COG5: variants seen among roughly 807,000 people sequenced by gnomAD.
The protein encoded by COG5 is component of oligomeric golgi complex 5.
In COG5, 86 loss-of-function variants were observed where a neutral mutation model predicts 110.4. That is an observed-to-expected ratio of 0.78 (90% CI 0.65 to 0.93). The LOEUF is 0.93. Ranked by LOEUF, COG5 falls within the 40% of genes least tolerant of loss-of-function variation. The probability of loss-of-function intolerance (pLI) is 0.00; values close to 1 mark genes in which losing one functional copy is unlikely to be tolerated. For synonymous variants in COG5, 360 were observed against 334.6 expected (o/e 1.08, Z -0.83); for missense variants, 1,077 against 987.0 (o/e 1.09, Z -1.22).
chr7:107,394,121 C>T (rs1263290771), intron 7 of COG5, among the ~76,000 whole-genome samples: 1 of 151,944 alleles, frequency 6.6e-6, no homozygotes, highest in Non-Finnish European at 1.5e-5. Context: ...GCCACCACGC[C>T]CAGCTAATTT....
chr7:107,528,024 C>T (rs1480804064), intron 5 of COG5, among the ~76,000 whole-genome samples: 1 of 152,142 alleles, frequency 6.6e-6, no homozygotes, highest in Non-Finnish European at 1.5e-5. Flanking sequence ...TATTTTCAGT[C>T]CCAGCTTCTC....
chr7:107,367,247 GACTCAGAAAGCACAGT>G (rs1234539134), intron 8 of COG5, among the ~76,000 whole-genome samples: 2 of 151,884 alleles, frequency 1.3e-5, no homozygotes, highest in African/African-American at 4.8e-5. Flanking sequence ...ACTACACAAG[GACTCAGAAAGCACAGT>G]ACCCATAAAA....
chr7:107,419,075 A>G (rs927596331), intron 6 of COG5, among the ~76,000 whole-genome samples: 1 of 152,212 alleles, frequency 6.6e-6, no homozygotes, highest in African/African-American at 2.4e-5. Context: ...ATGATGAAAC[A>G]TGTCTTTGAA....
chr7:107,289,730 C>A (rs897019387), intron 12 of COG5, among the ~76,000 whole-genome samples: 4 of 151,958 alleles, frequency 2.6e-5, no homozygotes, highest in African/African-American at 9.7e-5. Context: ...AAAGTTATTC[C>A]TAAATATTTT....
intron 11 of COG5, among the ~76,000 whole-genome samples, chr7:107,305,892 G>A (rs753726423): frequency 2.0e-5 from 3 of 151,912 alleles, no homozygotes; most frequent in South Asian, 2.1e-4. Flanking sequence ...ATCACAGGAG[G>A]GATACGCACT....
chr7:107,219,640 A>G (rs1799763825), intron 19 of COG5, among the ~76,000 whole-genome samples: 2 of 152,172 alleles, frequency 1.3e-5, no homozygotes, highest in Non-Finnish European at 2.9e-5. Context: ...AATAGAACTC[A>G]TAGAGGCAGA....
chr7:107,216,513 T>C (rs1426198432), intron 19 of COG5, among the ~76,000 whole-genome samples: 1 of 152,192 alleles, frequency 6.6e-6, no homozygotes, highest in Non-Finnish European at 1.5e-5. Flanking sequence ...AAACCAAGTT[T>C]GAACAAATTT....
In COG5 at chr7:107,473,924, T is replaced by G. The variant is rs1796808741; in HGVS notation, c.538+53313A>C. 7.8e-6 allele frequency: 4 copies of G among 512,034 alleles called. No individual in the cohort carries two copies. In the East Asian group the frequency reaches 1.2e-4, roughly 15 times the overall value. 31.7% of individuals were successfully genotyped at this position (512,034 alleles called of 1,614,324 possible). A position where few individuals can be genotyped will look rare whatever the true frequency, so the allele number is the denominator to read the frequency against. Reference sequence around the variant, plus strand: ...CATTTTCTATTAATAGTTTACAAACTTAAAAATTAAACTAAGTACACAATT... The same window carrying G: ...CATTTTCTATTAATAGTTTACAAACGTAAAAATTAAACTAAGTACACAATT... On this transcript the variant is annotated intron_variant, in intron 6 of 21. Transcript: ENST00000297135.
chr7:107,236,690 G>A lies in COG5; in HGVS notation c.1854-3C>T. 6.2e-7 allele frequency: 1 copy of A among 1,606,930 alleles called. No homozygotes were observed. Among genetic ancestry groups the A allele is most frequent in the African/African-American group, 1.3e-5 (1 of 74,848 alleles). On this transcript the variant is annotated splice_polypyrimidine_tract_variant and splice_region_variant and intron_variant, in intron 17 of 21. Transcript: ENST00000297135. ...GTTTTCCTGAGCTGGATAATGACCT[G>A]TAAAAGAAAAAGCAGCCCTTTTCAG...
chr7:107,418,077 T>C (rs1448035393), intron 6 of COG5, among the ~76,000 whole-genome samples: 4 of 152,072 alleles, frequency 2.6e-5, no homozygotes, highest in East Asian at 1.9e-4. Context: ...GACTAAAATC[T>C]TTTACAAAAG....
chr7:107,425,795 A>G (rs564186984), intron 6 of COG5, among the ~76,000 whole-genome samples: 141 of 152,324 alleles, frequency 9.3e-4, no homozygotes, highest in African/African-American at 3.3e-3. Context: ...ACTATGTGTT[A>G]TGGGTTGAAC....
At chr7:107,506,429 C>A (rs1217284052) in intron 6 of COG5, among the ~76,000 whole-genome samples, 1 of 152,134 alleles carries the variant, frequency 6.6e-6, no homozygotes, top group Non-Finnish European at 1.5e-5. Context: ...CAGGTCCCTG[C>A]TCTGACTCTC....
Position 107,324,438 on chromosome 7 carries a change from A to G in COG5, c.1108+2T>C. 1 of 1,544,226 alleles carries G rather than the reference A, an allele frequency of 6.5e-7. No individual in the cohort carries two copies. The highest frequency in any genetic ancestry group is 8.9e-7 in the Non-Finnish European group (1 of 1,122,554). On this transcript the variant is annotated splice_donor_variant, in intron 11 of 21. Coordinates refer to ENST00000297135, the MANE Select transcript of COG5 (RefSeq NM_006348.5). LOFTEE classifies it high-confidence loss of function. ...AATTTTCAAAATAAGTAGTAAACTT[A>G]CAGTTTGTTGCCATATGAAATTGAG... is the stretch of plus-strand genomic sequence containing the variant.
chr7:107,485,952 C>A (rs1316993658), intron 6 of COG5, among the ~76,000 whole-genome samples: 1 of 152,052 alleles, frequency 6.6e-6, no homozygotes, highest in Admixed American at 6.6e-5. Context: ...TGGCTGATGG[C>A]ATCAGGGCAA....
At chr7:107,498,513 AT>A (rs1798418709) in intron 6 of COG5, among the ~76,000 whole-genome samples, 1 of 152,218 alleles carries the variant, frequency 6.6e-6, no homozygotes, top group African/African-American at 2.4e-5. Flanking sequence ...CAACAAGTAT[AT>A]AAAAAGATCA....
chr7:107,313,630 T>TC (rs1808470517), intron 11 of COG5, among the ~76,000 whole-genome samples: 1 of 152,164 alleles, frequency 6.6e-6, no homozygotes, highest in Non-Finnish European at 1.5e-5. Flanking sequence ...TTGCCTGCAT[T>TC]CCTTGGTTTG....
chr7:107,403,621 A>G (rs1791600688), intron 7 of COG5, among the ~76,000 whole-genome samples: 1 of 151,554 alleles, frequency 6.6e-6, no homozygotes, highest in African/African-American at 2.4e-5. Context: ...CCCACATGGC[A>G]AAAGGATAAG....
At chr7:107,381,823 AGTCAAGGAAACTTATTTTATACATTTATG>A (rs1815147405) in intron 7 of COG5, among the ~76,000 whole-genome samples, 2 of 152,214 alleles carry the variant, frequency 1.3e-5, no homozygotes, top group African/African-American at 4.8e-5. Context: ...TGTTTTTCAG[AGTCAAGGAAACTTATTTTATACATTTATG>A]GCCTTTATTA....
Position 107,299,826 on chromosome 7 carries a change from C to CATATATATATAT in COG5, c.1109-1492_1109-1481dup, listed in dbSNP as rs71856513. Among the ~76,000 whole-genome samples, 865 of 103,030 alleles carry CATATATATATAT rather than the reference C, an allele frequency of 8.4e-3. 7 individuals carry two copies. Among genetic ancestry groups the CATATATATATAT allele is most frequent in the Non-Finnish European group, 0.013 (625 of 48,394 alleles). The allele number at this position is 103,030 out of a possible 152,430, so 67.6% of individuals were successfully genotyped here. A position where few individuals can be genotyped will look rare whatever the true frequency, so the allele number is the denominator to read the frequency against. ...ATCTATGTCAGAAATTCATAGTTGG[C>CATATATATATAT]ATATATATATATATATATATATATA... is the stretch of plus-strand genomic sequence containing the variant. On this transcript the variant is annotated intron_variant, in intron 11 of 21. Transcript: ENST00000297135.
Sources: gnomAD v4.1 joint callset for allele counts (sites outside exome capture counted in the v4.1 genomes callset) on GRCh38, gnomAD v4.1.1 for gene constraint, MANE v1.5 for transcripts, NCBI Gene and HGNC (gene_info 2026-07-23, HGNC 2026-07-21) for gene names.